SLC12A3: variants seen among roughly 807,000 people sequenced by gnomAD.
SLC12A3 encodes solute carrier family 12 member 3.
A neutral mutation model predicts 121.0 loss-of-function variants in SLC12A3; 104 were observed. The ratio of observed to expected loss-of-function variants is 0.86; its 90% CI spans 0.73 to 1.01. SLC12A3 has a LOEUF of 1.01. Ranked by LOEUF, SLC12A3 falls within the 50% of genes least tolerant of loss-of-function variation. SLC12A3 has a pLI of 0.00. For missense variants in SLC12A3, 1,328 were observed against 1,356.3 expected (o/e 0.98, Z 0.33); for synonymous variants, 536 against 533.4 (o/e 1.00, Z -0.07).
Position 56,913,465 on chromosome 16 carries a change from T to G in SLC12A3, c.*60T>G. On this transcript the variant is annotated 3_prime_UTR_variant, in exon 26 of 26. Transcript: ENST00000563236. ...GTGTGTGGGATAAGTTGGAACTTGA[T>G]TGCCTCTAGTCCACAGGGATGAGAC... 6.6e-7 allele frequency: 1 copy of G among 1,521,442 alleles called. No individual in the cohort carries two copies. Among genetic ancestry groups the G allele is most frequent in the Non-Finnish European group, 9.1e-7 (1 of 1,095,624 alleles). 94.2% of individuals were successfully genotyped at this position (1,521,442 alleles called of 1,614,324 possible). A position where few individuals can be genotyped will look rare whatever the true frequency, so the allele number is the denominator to read the frequency against.
At chr16:56,887,886 C>G in intron 17 of SLC12A3, 39 bp from the exon 18 acceptor site, 1 of 1,526,802 alleles carries the variant, frequency 6.5e-7, no homozygotes, top group East Asian at 2.3e-5. Context: ...AACTCTGCCC[C>G]TCTGATGGGT....
At chr16:56,881,878 G>C (rs1271961132) in intron 12 of SLC12A3, among the ~76,000 whole-genome samples, 1 of 151,886 alleles carries the variant, frequency 6.6e-6, no homozygotes, top group Non-Finnish European at 1.5e-5. Flanking sequence ...GTGAAACCCT[G>C]TTTCTACTAA....
rs1233441150 is a variant in SLC12A3, at chr16:56,880,235, G to A, written c.1549G>A (p.Val517Met). The A allele has an allele frequency of 6.3e-7, 1 of 1,584,144 alleles. No homozygotes were observed. Among genetic ancestry groups the A allele is most frequent in the Non-Finnish European group, 8.6e-7 (1 of 1,164,794 alleles). ...CTACCTGCTGGCCTACGCCATCGCT[G>A]TGGCCTTCATCATCATCGGTAAGGC... ...RGYLLAYAIA[V>M]AFIIIAELNT... The change falls in exon 12 of 26, where the codon GTG becomes ATG. Residue 517 changes from valine to methionine, a missense_variant. Coordinates refer to ENST00000563236, the MANE Select transcript of SLC12A3 (RefSeq NM_001126108.2).
intron 8 of SLC12A3, among the ~76,000 whole-genome samples, chr16:56,877,876 G>A (rs1372309437): frequency 6.6e-6 from 1 of 152,206 alleles, no homozygotes; most frequent in East Asian, 1.9e-4. Context: ...CCCTCTCTGG[G>A]GGTCCTCAGT....
At position 56,899,569 on chromosome 16, in the gene SLC12A3, T is replaced by C. The variant is rs769641982; in HGVS notation, c.2673T>C (p.His891=). ...TGAGCAAGTTCCGACTGGGATTCCA[T>C]GAAGTCCACATCCTCCCTGACATCA... ...SLLSKFRLGF[H]EVHILPDINQ... The change falls in exon 23 of 26, where the codon CAT becomes CAC. Residue 891 remains histidine (H), a synonymous_variant. Coordinates refer to ENST00000563236, the MANE Select transcript of SLC12A3 (RefSeq NM_001126108.2). The C allele has an allele frequency of 5.0e-6, 8 of 1,614,046 alleles. No individual in the cohort carries two copies. In the Admixed American group the frequency reaches 1.3e-4, roughly 27 times the overall value.
Position 56,879,602 on chromosome 16 carries a change from C to G in SLC12A3, c.1396C>G (p.Leu466Val), listed in dbSNP as rs374545976. The G allele has an allele frequency of 1.7e-5, 27 of 1,613,606 alleles. No homozygotes were observed. Among genetic ancestry groups the G allele is most frequent in the Non-Finnish European group, 2.1e-5 (25 of 1,179,980 alleles). ...LITAGIFGAT[L>V]SSALACLVSA... ...CACGGCTGGCATCTTCGGGGCCACC[C>G]TCTCCTCTGCCCTGGCCTGCCTTGT... Residue 466 changes from leucine to valine, a missense_variant, in exon 11 of 26, where the codon CTC becomes GTC. By Grantham distance (32) the Leu-to-Val change is conservative. Transcript: ENST00000563236.
At chr16:56,881,278 A>G (rs1394300065) in intron 12 of SLC12A3, among the ~76,000 whole-genome samples, 3 of 152,204 alleles carry the variant, frequency 2.0e-5, no homozygotes, top group Non-Finnish European at 2.9e-5. Flanking sequence ...TAAGCTTTTC[A>G]GACACCAGGC....
At chr16:56,877,885 G>A (rs1478621302) in intron 8 of SLC12A3, among the ~76,000 whole-genome samples, 192 bp from the exon 9 acceptor site, 3 of 152,234 alleles carry the variant, frequency 2.0e-5, no homozygotes, top group Non-Finnish European at 4.4e-5. Flanking sequence ...GGGGTCCTCA[G>A]TCATGAGGCT....
intron 25 of SLC12A3, among the ~76,000 whole-genome samples, chr16:56,909,487 T>C (rs1186599914): frequency 8.6e-5 from 13 of 150,428 alleles, no homozygotes; most frequent in Admixed American, 3.3e-4. Context: ...TTGTGGGATT[T>C]GCCAATACAA....
At chr16:56,907,172 G>A (rs1291069621) in intron 25 of SLC12A3, 1 of 162,314 alleles carries the variant, frequency 6.2e-6, no homozygotes, top group African/African-American at 2.4e-5. Flanking sequence ...AAACGTGCTT[G>A]GGGCTGGGCA....
chr16:56,866,022 G>A (rs1964346679), intron 1 of SLC12A3, among the ~76,000 whole-genome samples: 1 of 148,518 alleles, frequency 6.7e-6, no homozygotes, highest in African/African-American at 2.5e-5. Flanking sequence ...GTCTGGCTCT[G>A]TCGCCCAGGC....
Position 56,886,475 on chromosome 16 carries a change from C to T in SLC12A3, c.2037C>T (p.Ile679=), listed in dbSNP as rs745894714. The change falls in exon 16 of 26, where the codon ATC becomes ATT. Residue 679 remains isoleucine, a splice_region_variant and synonymous_variant. Coordinates refer to ENST00000563236, the MANE Select transcript of SLC12A3 (RefSeq NM_001126108.2). The part of the protein sequence containing the change: ...LSLMICGHVL[I]GPHKQRMPEL... ...TGATGATCTGTGGCCACGTGCTCAT[C>T]GTGAGTGGCCCCTGGAGGGGCACAG... 89 of 1,611,908 alleles carry T rather than the reference C, an allele frequency of 5.5e-5. No individual in the cohort carries two copies. The highest frequency in any genetic ancestry group is 1.8e-4 in the South Asian group (16 of 91,050).
chr16:56,878,053 T>A, intron 8 of SLC12A3, 24 bp from the exon 9 acceptor site: 1 of 271,422 alleles, frequency 3.7e-6, no homozygotes, highest in Non-Finnish European at 7.1e-6. Context: ...CCTCCCTCCC[T>A]CCCTCTCTCC....
intron 11 of SLC12A3, 46 bp downstream of exon 11, chr16:56,879,695 G>A: frequency 1.4e-6 from 2 of 1,430,378 alleles, no homozygotes; most frequent in Non-Finnish European, 2.0e-6. Context: ...TGGGGAGCCT[G>A]GGCTAGAGGC....
intron 4 of SLC12A3, 38 bp from the exon 5 acceptor site, chr16:56,870,058 C>T (rs377667730): frequency 2.7e-5 from 44 of 1,609,092 alleles, no homozygotes; most frequent in Middle Eastern, 1.6e-4. Context: ...AGCCAACCGA[C>T]TCATCTGGTT....
Position 56,914,473 on chromosome 16 carries a change from A to G in SLC12A3, c.*1068A>G, listed in dbSNP as rs2055728702. The G allele has an allele frequency of 6.6e-6, 1 of 152,260 alleles. No individual in the cohort carries two copies. Among genetic ancestry groups the G allele is most frequent in the Non-Finnish European group, 1.5e-5 (1 of 68,044 alleles). 9.4% of individuals were successfully genotyped at this position (152,260 alleles called of 1,614,324 possible). A position where few individuals can be genotyped will look rare whatever the true frequency, so the allele number is the denominator to read the frequency against. On this transcript the variant is annotated 3_prime_UTR_variant, in exon 26 of 26. Coordinates refer to ENST00000563236, the MANE Select transcript of SLC12A3 (RefSeq NM_001126108.2). ...ATTTTTCACTGTTGGTTGCAATCCA[A>G]TAAAATGACTTTGGGATCCACTCAT...
Position 56,888,018 on chromosome 16 carries a change from A to G in SLC12A3, c.2272A>G (p.Ile758Val), listed in dbSNP as rs886052158. 1 of 1,609,384 alleles carries G rather than the reference A, an allele frequency of 6.2e-7. No homozygotes were observed. The highest frequency in any genetic ancestry group is 8.5e-7 in the Non-Finnish European group (1 of 1,176,612). The change falls in exon 18 of 26, where the codon ATT becomes GTT. Residue 758 changes from isoleucine to valine, a missense_variant. Coordinates refer to ENST00000563236, the MANE Select transcript of SLC12A3 (RefSeq NM_001126108.2). Reference protein sequence around the residue: ...SAHPATVEDYIGILHDAFDFN... With the variant: ...SAHPATVEDYVGILHDAFDFN... ...TCACCCGGCCACAGTGGAAGACTAC[A>G]TTGGCATCCTCCAGTGAGTCGGGGG...
Position 56,869,652 on chromosome 16 carries a change from C to G in SLC12A3, c.506-77C>G, listed in dbSNP as rs115164192. The G allele has an allele frequency of 1.1e-3, 1,209 of 1,116,666 alleles. 11 individuals are homozygous for G. In the African/African-American group the frequency reaches 0.016, roughly 15 times the overall value. 69.2% of individuals were successfully genotyped at this position (1,116,666 alleles called of 1,614,324 possible). ...TCAGAGAAGGGAGATGAACGTAGGT[C>G]GCATGGTGAATGAGTAGGCAAACTG... On this transcript the variant is annotated intron_variant, in intron 3 of 25. Coordinates refer to ENST00000563236, the MANE Select transcript of SLC12A3 (RefSeq NM_001126108.2).
chr16:56,890,291 A>G lies in SLC12A3; in HGVS notation c.2303A>G (p.Asn768Ser), dbSNP rs574853861. 16 of 1,614,134 alleles carry G rather than the reference A, an allele frequency of 9.9e-6. No homozygotes were observed. The highest frequency in any genetic ancestry group is 2.7e-5 in the African/African-American group (2 of 75,020). The part of the protein sequence containing the change: ...IGILHDAFDF[N>S]YGVCVMRMRE... ...CTTTCCAGTGATGCCTTTGATTTCA[A>G]CTATGGCGTGTGTGTCATGAGGATG... Residue 768 changes from asparagine to serine, a missense_variant, in exon 19 of 26, where the codon AAC becomes AGC. Physicochemically the swap from Asn to Ser is conservative, Grantham distance 46. Coordinates refer to ENST00000563236, the MANE Select transcript of SLC12A3 (RefSeq NM_001126108.2).
Sources: gnomAD v4.1 joint callset for allele counts (sites outside exome capture counted in the v4.1 genomes callset) on GRCh38, gnomAD v4.1.1 for gene constraint, MANE v1.5 for transcripts, NCBI Gene and HGNC (gene_info 2026-07-23, HGNC 2026-07-21) for gene names.